The following E2F3 variants were observed in gnomAD, a reference collection of about 807,000 sequenced individuals.
E2F3 encodes the protein transcription factor E2F3.
A neutral mutation model predicts 44.4 loss-of-function variants in E2F3; 11 were observed. The ratio of observed to expected loss-of-function variants is 0.25; its 90% CI spans 0.16 to 0.41. The LOEUF (loss-of-function observed/expected upper bound fraction) is 0.41. Ranked by LOEUF, E2F3 falls within the 10% of genes least tolerant of loss-of-function variation. The probability of loss-of-function intolerance (pLI) is 1.00; values close to 1 mark genes in which losing one functional copy is unlikely to be tolerated. For missense variants in E2F3, 487 were observed against 583.6 expected, an observed-to-expected ratio of 0.83 and a Z score of 1.70; for synonymous variants, 249 against 253.0, an observed-to-expected ratio of 0.98 and a Z score of 0.15.
chr6:20,435,631 G>A (rs986774392), intron 1 of E2F3, among the ~76,000 whole-genome samples: 3 of 152,038 alleles, frequency 2.0e-5, no homozygotes, highest in East Asian at 2.0e-4. Context: ...CACGCCTGTA[G>A]TCCCAGCTAC....
intron 1 of E2F3, among the ~76,000 whole-genome samples, chr6:20,429,460 T>C (rs1481767530): frequency 1.3e-5 from 2 of 152,166 alleles, no homozygotes; most frequent in Admixed American, 1.3e-4. Context: ...TCCCCAACCC[T>C]CATTCCTTAC....
intron 1 of E2F3, among the ~76,000 whole-genome samples, chr6:20,418,829 T>G (rs2127588925): frequency 6.7e-6 from 1 of 150,294 alleles, no homozygotes; most frequent in East Asian, 2.1e-4. Context: ...AACACTGAAT[T>G]TGTTTGTTAC....
intron 4 of E2F3, 124 bp from the exon 5 acceptor site, chr6:20,486,565 C>G (rs1762400389): frequency 1.8e-6 from 1 of 570,468 alleles, no homozygotes; most frequent in Non-Finnish European, 3.1e-6. Flanking sequence ...AGCCACCGCG[C>G]CCGGCCACAT....
chr6:20,459,265 C>A (rs1761419296), intron 1 of E2F3, among the ~76,000 whole-genome samples: 1 of 152,066 alleles, frequency 6.6e-6, no homozygotes, highest in South Asian at 2.1e-4. Flanking sequence ...GAGTGAAACT[C>A]CATCTGAAAA....
intron 1 of E2F3, among the ~76,000 whole-genome samples, chr6:20,422,765 T>G (rs1228757960): frequency 6.6e-6 from 1 of 152,210 alleles, no homozygotes; most frequent in Non-Finnish European, 1.5e-5. Flanking sequence ...ACAATGGCTA[T>G]CAATTAAGTT....
At chr6:20,468,079 A>G (rs919174667) in intron 1 of E2F3, among the ~76,000 whole-genome samples, 2 of 152,246 alleles carry the variant, frequency 1.3e-5, no homozygotes, top group African/African-American at 4.8e-5. Context: ...CGCATATTAC[A>G]GTTGTGACAC....
chr6:20,450,381 G>A (rs1761089374), intron 1 of E2F3, among the ~76,000 whole-genome samples: 1 of 152,060 alleles, frequency 6.6e-6, no homozygotes, highest in South Asian at 2.1e-4. Flanking sequence ...CAGTGACATT[G>A]AGCTTTTTTT....
intron 1 of E2F3, chr6:20,403,628 G>T: frequency 2.1e-6 from 1 of 482,220 alleles, no homozygotes; most frequent in Non-Finnish European, 3.7e-6. Context: ...CCTCCTGCTC[G>T]CCGGCTCCCT....
At chr6:20,403,574 G>A in intron 1 of E2F3, 1 of 450,046 alleles carries the variant, frequency 2.2e-6, no homozygotes, top group Non-Finnish European at 4.0e-6. Flanking sequence ...GGAGGAGGCG[G>A]CGGCGGGAGG....
At chr6:20,466,244 C>T (rs1761707677) in intron 1 of E2F3, among the ~76,000 whole-genome samples, 1 of 152,126 alleles carries the variant, frequency 6.6e-6, no homozygotes, top group South Asian at 2.1e-4. Flanking sequence ...TCCTGAGTAG[C>T]TGGGACTACT....
intron 1 of E2F3, among the ~76,000 whole-genome samples, chr6:20,425,904 G>T (rs1204574502): frequency 6.6e-6 from 1 of 152,182 alleles, no homozygotes. Flanking sequence ...CCTTCTGTTG[G>T]TTCTTAGAGG....
chr6:20,403,678 CA>C, intron 1 of E2F3: 1 of 544,158 alleles, frequency 1.8e-6, no homozygotes, highest in Non-Finnish European at 3.1e-6. Context: ...CCGCCCCCGG[CA>C]CCGCCACCCT....
intron 1 of E2F3, among the ~76,000 whole-genome samples, chr6:20,428,448 CTT>C (rs1233195049): frequency 6.6e-6 from 1 of 152,162 alleles, no homozygotes; most frequent in Admixed American, 6.5e-5. Context: ...GTCTCGAACT[CTT>C]GACCTCAAGT....
At chr6:20,469,537 G>A (rs928923798) in intron 1 of E2F3, among the ~76,000 whole-genome samples, 3 of 152,272 alleles carry the variant, frequency 2.0e-5, no homozygotes, top group East Asian at 1.9e-4. Flanking sequence ...AGGAGGGACC[G>A]CAGTCACCAG....
In E2F3 at chr6:20,446,827, A is replaced by G. The variant is rs116155463; in HGVS notation, c.394-33019A>G. On this transcript the variant is annotated intron_variant, in intron 1 of 6. Transcript: ENST00000346618. ...AGTGATCTGCCTGCATCGGCCTCTC[A>G]AAGTGCCAGGATTACAGGAGTGAGC... Among the ~76,000 whole-genome samples the G allele has an allele frequency of 8.7e-3, 1,326 of 152,290 alleles. 32 individuals carry two copies. The highest frequency in any genetic ancestry group is 0.03 in the African/African-American group (1,228 of 41,564).
rs11344554 is a variant in E2F3, at chr6:20,417,588, T to TA, written c.393+14978dup. On this transcript the variant is annotated intron_variant, in intron 1 of 6. Transcript: ENST00000346618. ...GATTTTTATTTCCTGATAATGGATT[T>TA]AAAAAAAAAAAAAAAGGCCCAGATC... is the stretch of plus-strand genomic sequence containing the variant. Among the ~76,000 whole-genome samples, 255 of 139,154 alleles carry TA rather than the reference T, an allele frequency of 1.8e-3. 2 individuals are homozygous for TA. Among genetic ancestry groups the TA allele is most frequent in the Non-Finnish European group, 2.5e-3 (156 of 62,898 alleles). The allele number at this position is 139,154 out of a possible 152,430, so 91.3% of individuals were successfully genotyped here.
chr6:20,476,109 C>T (rs996669902), intron 1 of E2F3, among the ~76,000 whole-genome samples: 5 of 152,050 alleles, frequency 3.3e-5, no homozygotes, highest in Admixed American at 1.3e-4. Context: ...CGGTGGCTCA[C>T]GCCTGTAATC....
Position 20,487,973 on chromosome 6 carries a change from C to G in E2F3, c.1000-140C>G. The stretch of plus-strand genomic sequence containing the variant: ...GACCCCTGCTCTAGAGGATGACAGT[C>G]TTTCATAGAGTTGGACTAGTAGGGA... On this transcript the variant is annotated intron_variant, in intron 5 of 6. Transcript: ENST00000346618. 2.5e-6 allele frequency: 3 copies of G among 1,189,118 alleles called. No individual in the cohort carries two copies. The Admixed American group carries it at 6.4e-5, about 26-fold the overall frequency. The allele number at this position is 1,189,118 out of a possible 1,614,324, so 73.7% of individuals were successfully genotyped here. A position where few individuals can be genotyped will look rare whatever the true frequency, so the allele number is the denominator to read the frequency against.
chr6:20,424,624 G>GTAA (rs1760150472), intron 1 of E2F3, among the ~76,000 whole-genome samples: 8 of 151,296 alleles, frequency 5.3e-5, no homozygotes, highest in Non-Finnish European at 8.8e-5. Context: ...CAGTTTTTAT[G>GTAA]TTCATGCTTA....
Sources: allele counts gnomAD v4.1 joint callset (sites outside exome capture counted in the v4.1 genomes callset), GRCh38; gene constraint gnomAD v4.1.1; transcripts MANE v1.5; gene names NCBI Gene and HGNC (gene_info 2026-07-23, HGNC 2026-07-21).